MAST4: variants seen among roughly 807,000 people sequenced by gnomAD.
The protein encoded by MAST4 is microtubule associated serine/threonine kinase family member 4.
Under a neutral mutation model 162.7 loss-of-function variants are expected in MAST4, and 89 were observed. That is an observed-to-expected ratio of 0.55 (90% CI 0.46 to 0.65). The LOEUF is 0.65. Among genes scored for constraint, MAST4 ranks in the 30% least tolerant of loss-of-function variants. The pLI, the probability that MAST4 is intolerant of heterozygous loss-of-function variation, is 0.00. For synonymous variants in MAST4, 1,479 were observed against 1,361.1 expected (o/e 1.09, Z -1.91); for missense variants, 3,153 against 3,374.0 (o/e 0.93, Z 1.62).
At chr5:67,130,116 T>C (rs1240687156) in intron 14 of MAST4, 94 bp from the exon 15 acceptor site, 3 of 1,222,382 alleles carry the variant, frequency 2.5e-6, no homozygotes, top group Non-Finnish European at 2.3e-6. Flanking sequence ...GTGAGAACTT[T>C]TAAAAAGTTG....
At chr5:67,077,358 C>T (rs1358469822) in intron 5 of MAST4, among the ~76,000 whole-genome samples, 1 of 151,974 alleles carries the variant, frequency 6.6e-6, no homozygotes, top group Non-Finnish European at 1.5e-5. Context: ...TTTAAGTTCC[C>T]TAGGCTATTT....
chr5:66,915,358 T>C (rs1031823695), intron 4 of MAST4, among the ~76,000 whole-genome samples: 3 of 152,040 alleles, frequency 2.0e-5, no homozygotes, highest in Non-Finnish European at 4.4e-5. Flanking sequence ...ATATTTGTTC[T>C]CTTGTATAGT....
chr5:66,867,137 C>G (rs1760588561), intron 3 of MAST4, among the ~76,000 whole-genome samples: 1 of 152,146 alleles, frequency 6.6e-6, no homozygotes, highest in South Asian at 2.1e-4. Flanking sequence ...ATATGATTTT[C>G]TGGTTTTCTA....
chr5:66,678,702 C>T (rs1218874240), intron 1 of MAST4, among the ~76,000 whole-genome samples: 1 of 151,988 alleles, frequency 6.6e-6, no homozygotes, highest in African/African-American at 2.4e-5. Context: ...ACCATGTTGG[C>T]CACAATGGTC....
In MAST4 at chr5:67,055,972, C is replaced by T. The variant is rs568208209; in HGVS notation, c.763+1480C>T. Among the ~76,000 whole-genome samples the T allele has an allele frequency of 2.0e-5, 3 of 149,870 alleles. No homozygotes were observed. In the Admixed American group the frequency reaches 2.0e-4, roughly 10 times the overall value. ...ATGTAAGCCTTTCATATAAAGTTAA[C>T]ATGCTACATACAATATTTTGTTTAG... is the stretch of plus-strand genomic sequence containing the variant. On this transcript the variant is annotated intron_variant, in intron 5 of 28. Transcript: ENST00000403625.
At chr5:66,986,476 C>T (rs1749508106) in intron 4 of MAST4, 1 of 1,571,728 alleles carries the variant, frequency 6.4e-7, no homozygotes, top group Non-Finnish European at 8.6e-7. Flanking sequence ...AGAACATCAC[C>T]CCTTGGATGA....
chr5:67,159,830 C>A (rs1261521963), intron 26 of MAST4, among the ~76,000 whole-genome samples: 1 of 152,174 alleles, frequency 6.6e-6, no homozygotes, highest in African/African-American at 2.4e-5. Flanking sequence ...AGGTTTCCTA[C>A]TGGCTGGCAT....
intron 3 of MAST4, among the ~76,000 whole-genome samples, chr5:66,827,181 TA>T (rs1383037386): frequency 6.6e-6 from 1 of 152,230 alleles, no homozygotes; most frequent in Non-Finnish European, 1.5e-5. Context: ...AAATCTTTTT[TA>T]AAAATTCATT....
intron 5 of MAST4, among the ~76,000 whole-genome samples, chr5:67,058,929 GT>G (rs1759203245): frequency 6.6e-6 from 1 of 152,192 alleles, no homozygotes. Flanking sequence ...TAATTTACTG[GT>G]TTAAACAACA....
chr5:67,010,830 C>G (rs757756012), intron 4 of MAST4, among the ~76,000 whole-genome samples: 1 of 152,070 alleles, frequency 6.6e-6, no homozygotes, highest in Non-Finnish European at 1.5e-5. Context: ...TGAGCATGAA[C>G]AGGTGCCCCA....
intron 1 of MAST4, among the ~76,000 whole-genome samples, chr5:66,627,951 C>T (rs1744546052): frequency 6.6e-6 from 1 of 152,094 alleles, no homozygotes; most frequent in Non-Finnish European, 1.5e-5. Context: ...CCACCCCTAC[C>T]AATTGCTATT....
At chr5:66,936,727 T>C (rs1191590472) in intron 4 of MAST4, among the ~76,000 whole-genome samples, 3 of 152,194 alleles carry the variant, frequency 2.0e-5, no homozygotes, top group African/African-American at 7.2e-5. Flanking sequence ...CAATCATGGG[T>C]TGTTACAAAG....
chr5:66,600,060 G>C (rs1742457411), intron 1 of MAST4, among the ~76,000 whole-genome samples: 1 of 152,142 alleles, frequency 6.6e-6, no homozygotes, highest in Non-Finnish European at 1.5e-5. Flanking sequence ...ATTTAGTAAT[G>C]TCAACAGAGT....
chr5:66,760,547 C>T (rs1753799587), intron 2 of MAST4, among the ~76,000 whole-genome samples: 1 of 152,174 alleles, frequency 6.6e-6, no homozygotes, highest in African/African-American at 2.4e-5. Flanking sequence ...CTTCCACCCT[C>T]AACTCCAAAT....
chr5:67,152,682 C>A lies in MAST4; in HGVS notation c.3341C>A (p.Ser1114Tyr), dbSNP rs1771983006. 6.2e-7 allele frequency: 1 copy of A among 1,613,966 alleles called. No homozygotes were observed. The highest frequency in any genetic ancestry group is 1.1e-5 in the South Asian group (1 of 91,090). Residue 1114 changes from serine (S) to tyrosine (Y), a missense_variant, in exon 25 of 29, where the codon TCC becomes TAC. Coordinates refer to ENST00000403625, the MANE Select transcript of MAST4 (RefSeq NM_001164664.2). ...SPLGSPMSPH[S>Y]LSSDPSSSRD... ...CTGGGAAGTCCAATGTCTCCCCATT[C>A]CCTGTCCTCGGACCCTTCTTCTTCA...
intron 1 of MAST4, among the ~76,000 whole-genome samples, chr5:66,708,427 A>G (rs544299995): frequency 6.6e-6 from 1 of 152,342 alleles, no homozygotes; most frequent in East Asian, 1.9e-4. Context: ...GGAGCAGTCC[A>G]TAATTACACA....
chr5:66,938,274 G>A (rs1218873580), intron 4 of MAST4, among the ~76,000 whole-genome samples: 1 of 152,036 alleles, frequency 6.6e-6, no homozygotes, highest in Non-Finnish European at 1.5e-5. Context: ...TGTAAAATAT[G>A]CTCCCTAGTA....
At chr5:67,089,437 A>AT (rs555332695) in intron 5 of MAST4, among the ~76,000 whole-genome samples, 24 of 152,330 alleles carry the variant, frequency 1.6e-4, no homozygotes, top group African/African-American at 5.8e-4. Flanking sequence ...CCTGGGGAAG[A>AT]TGAGCTCTGC....
At position 67,163,186 on chromosome 5, in the gene MAST4, C is replaced by T; in HGVS notation, c.4007C>T (p.Ala1336Val). ...CAGAGCAGCTCCCCTAGTTCTAGTGCCCCCAATTCCCCAGCAGGGTCCGGG... is the reference window on the plus strand; with the variant it reads ...CAGAGCAGCTCCCCTAGTTCTAGTGTCCCCAATTCCCCAGCAGGGTCCGGG... ...SSQSSSPSSSAPNSPAGSGHI... is the reference protein window; with the variant it reads ...SSQSSSPSSSVPNSPAGSGHI... The change falls in exon 29 of 29, where the codon GCC (alanine) becomes GTC (valine). Residue 1336 changes from alanine (A) to valine (V), a missense_variant. By Grantham distance (64) the Ala-to-Val change is moderately conservative. Coordinates refer to ENST00000403625, the MANE Select transcript of MAST4 (RefSeq NM_001164664.2). This position sits in a 1 kb window ranked among gnomAD's most constrained non-coding sequence, Gnocchi z 7.0. The T allele has an allele frequency of 6.2e-7, 1 of 1,611,282 alleles. No homozygotes were observed. The highest frequency in any genetic ancestry group is 8.5e-7 in the Non-Finnish European group (1 of 1,177,792).
Sources: gnomAD v4.1 joint callset for allele counts (sites outside exome capture counted in the v4.1 genomes callset) on GRCh38, gnomAD v4.1.1 for gene constraint, Gnocchi (gnomAD v3.1) non-coding constraint, MANE v1.5 for transcripts, NCBI Gene and HGNC (gene_info 2026-07-23, HGNC 2026-07-21) for gene names.